The following MAP4K3 variants were observed in gnomAD, a reference collection of about 807,000 sequenced individuals.
MAP4K3 encodes mitogen-activated protein kinase kinase kinase kinase 3, also known as MAPK/ERK kinase kinase kinase 3.
MAP4K3 carries 94 observed loss-of-function variants against 143.5 expected under a neutral mutation model. That is an observed-to-expected ratio of 0.65 (90% CI 0.55 to 0.78). The LOEUF (loss-of-function observed/expected upper bound fraction) is 0.78, where lower values mean the gene tolerates loss of function less well. Among genes scored for constraint, MAP4K3 ranks in the 30% least tolerant of loss-of-function variants. The probability of loss-of-function intolerance (pLI) is 0.00; values close to 1 mark genes in which losing one functional copy is unlikely to be tolerated. For missense variants in MAP4K3, 1,077 were observed against 1,068.1 expected (o/e 1.01, Z -0.12); for synonymous variants, 416 against 347.2 (o/e 1.20, Z -2.20).
intron 27 of MAP4K3, 131 bp downstream of exon 27, chr2:39,267,058 G>T: frequency 1.3e-6 from 1 of 791,538 alleles, no homozygotes; most frequent in Non-Finnish European, 2.1e-6. Context: ...AGATGAAACA[G>T]CCAAGAAATT....
chr2:39,267,329 A>G, intron 26 of MAP4K3, 82 bp from the exon 27 acceptor site: 1 of 1,010,248 alleles, frequency 9.9e-7, no homozygotes, highest in Non-Finnish European at 1.6e-6. Flanking sequence ...ATCAGTGCAC[A>G]AAGGATGAGT....
intron 24 of MAP4K3, 26 bp downstream of exon 24, chr2:39,278,381 A>G (rs1201923578): frequency 2.1e-6 from 3 of 1,422,792 alleles, no homozygotes; most frequent in Non-Finnish European, 2.9e-6. Context: ...AAATTAAAAA[A>G]AAAAAGAATA....
At chr2:39,419,988 T>C (rs567018534) in intron 1 of MAP4K3, among the ~76,000 whole-genome samples, 1 of 152,324 alleles carries the variant, frequency 6.6e-6, no homozygotes, top group East Asian at 1.9e-4. Flanking sequence ...CATCTGACTT[T>C]CCTATCACTC....
At position 39,288,261 on chromosome 2, in the gene MAP4K3, G is replaced by A; in HGVS notation, c.1334C>T (p.Pro445Leu). Residue 445 changes from proline (P) to leucine (L), a missense_variant, in exon 20 of 34, where the codon CCA (proline) becomes CTA (leucine). Pro to Leu is a moderately conservative substitution (Grantham distance 98). Transcript: ENST00000263881. ...LPPKPKSIFI[P>L]QEMHSTEDEN... ...ATCCTCAGTAGAATGCATTTCCTGT[G>A]GTATGAAGATAGACTTAGGCTGAAA... 3 of 1,613,498 alleles carry A rather than the reference G, an allele frequency of 1.9e-6. No homozygotes were observed. Among genetic ancestry groups the A allele is most frequent in the Non-Finnish European group, 2.5e-6 (3 of 1,179,714 alleles).
chr2:39,309,446 G>C lies in MAP4K3; in HGVS notation c.1056+15C>G. ...TTTATTTTCAGTGCTAACATTCTAA[G>C]GCTATACTACTTACAAGTTCATGAT... is the stretch of plus-strand genomic sequence containing the variant. On this transcript the variant is annotated intron_variant, in intron 14 of 33. Transcript: ENST00000263881. The C allele has an allele frequency of 5.8e-6, 9 of 1,562,052 alleles. No individual in the cohort carries two copies. Among genetic ancestry groups the C allele is most frequent in the South Asian group, 3.5e-5 (3 of 84,586 alleles).
rs939648932 is a variant in MAP4K3, at chr2:39,361,968, CAA to C, written c.155-5631_155-5630del. On this transcript the variant is annotated intron_variant, in intron 2 of 33. Transcript: ENST00000263881. ...TGTGAGATAAAAGACCTGAAAAAAA[CAA>C]AAGACACTTCCCTTCTGAATAGAAG... Among the ~76,000 whole-genome samples, 14 of 151,614 alleles carry C rather than the reference CAA, an allele frequency of 9.2e-5. No individual in the cohort carries two copies. The Middle Eastern group carries it at 0.017, about 187-fold the overall frequency.
At chr2:39,269,781 A>G (rs778256342) in intron 26 of MAP4K3, among the ~76,000 whole-genome samples, 1 of 152,316 alleles carries the variant, frequency 6.6e-6, no homozygotes, top group South Asian at 2.1e-4. Context: ...CTGAACGACT[A>G]CAATGGCAAT....
At chr2:39,332,697 A>C (rs1351788150) in intron 7 of MAP4K3, among the ~76,000 whole-genome samples, 2 of 152,078 alleles carry the variant, frequency 1.3e-5, no homozygotes, top group Admixed American at 6.5e-5. Context: ...TTCACTAAGC[A>C]ATCAATAGAT....
chr2:39,299,740 T>C lies in MAP4K3; in HGVS notation c.1178+3A>G, dbSNP rs1558632108. 2 of 1,542,212 alleles carry C rather than the reference T, an allele frequency of 1.3e-6. No homozygotes were observed. Among genetic ancestry groups the C allele is most frequent in the Admixed American group, 2.0e-5 (1 of 50,978 alleles). On this transcript the variant is annotated splice_donor_region_variant and intron_variant, in intron 16 of 33. Transcript: ENST00000263881. ...AATTAAGTTTTAAAAGAACTTTACTTACTTGTTTGCACCTAAAAAGTAACC... is the reference window on the plus strand; with the variant it reads ...AATTAAGTTTTAAAAGAACTTTACTCACTTGTTTGCACCTAAAAAGTAACC...
At chr2:39,258,310 G>A in intron 31 of MAP4K3, 38 bp downstream of exon 31, 10 of 1,224,862 alleles carry the variant, frequency 8.2e-6, no homozygotes, top group Non-Finnish European at 1.2e-5. Flanking sequence ...TTATTTTAAG[G>A]AGTTCATAAT....
chr2:39,392,343 CATT>C (rs1478725576), intron 1 of MAP4K3, among the ~76,000 whole-genome samples: 5 of 151,908 alleles, frequency 3.3e-5, no homozygotes, highest in South Asian at 2.1e-4. Flanking sequence ...AAAAAAGAAA[CATT>C]GTATGTTTAT....
At chr2:39,336,750 G>A (rs1049922435) in intron 6 of MAP4K3, among the ~76,000 whole-genome samples, 170 bp downstream of exon 6, 2 of 152,010 alleles carry the variant, frequency 1.3e-5, no homozygotes, top group Non-Finnish European at 2.9e-5. Context: ...TATGTGAATT[G>A]TGCCTCAATA....
rs541905327 is a variant in MAP4K3, at chr2:39,300,902, T to G, written c.1120-1101A>C. 2.0e-5 allele frequency among the ~76,000 whole-genome samples: 3 copies of G among 152,236 alleles called. No individual in the cohort carries two copies. In the East Asian group the frequency reaches 5.8e-4, roughly 29 times the overall value. On this transcript the variant is annotated intron_variant, in intron 15 of 33. Coordinates refer to ENST00000263881, the MANE Select transcript of MAP4K3 (RefSeq NM_003618.4). The stretch of plus-strand genomic sequence containing the variant: ...AATAATCAAATCTATCTTCTTTCCT[T>G]ACAGCCTACGGTCTAGCATTGTTCC...
chr2:39,277,950 C>T (rs1217504306), intron 24 of MAP4K3, among the ~76,000 whole-genome samples: 1 of 151,732 alleles, frequency 6.6e-6, no homozygotes, highest in Non-Finnish European at 1.5e-5. Flanking sequence ...AGTTCCAGAC[C>T]AGCATGGGCA....
intron 1 of MAP4K3, among the ~76,000 whole-genome samples, chr2:39,420,623 G>A (rs538564615): frequency 1.3e-5 from 2 of 151,714 alleles, no homozygotes; most frequent in South Asian, 4.2e-4. Context: ...ATGTTGTCCA[G>A]GCTGGTCTCG....
chr2:39,398,691 T>G (rs1419755375), intron 1 of MAP4K3, among the ~76,000 whole-genome samples: 1 of 148,956 alleles, frequency 6.7e-6, no homozygotes, highest in Admixed American at 6.7e-5. Flanking sequence ...AGCCTTTCCT[T>G]TGATGGTTTC....
intron 15 of MAP4K3, among the ~76,000 whole-genome samples, chr2:39,300,808 G>GTTA (rs1315633836): frequency 6.6e-6 from 1 of 152,216 alleles, no homozygotes; most frequent in Non-Finnish European, 1.5e-5. Flanking sequence ...ACACAGAGCT[G>GTTA]CTCTAGCACT....
At chr2:39,384,230 T>C (rs1280113738) in intron 1 of MAP4K3, among the ~76,000 whole-genome samples, 1 of 152,118 alleles carries the variant, frequency 6.6e-6, no homozygotes, top group African/African-American at 2.4e-5. Flanking sequence ...ATCCTTGCTT[T>C]AAAACAGCAC....
At position 39,277,607 on chromosome 2, in the gene MAP4K3, C is replaced by T. The variant is rs570494952; in HGVS notation, c.1794+800G>A. Among the ~76,000 whole-genome samples the T allele has an allele frequency of 2.0e-5, 3 of 152,126 alleles. No homozygotes were observed. In the East Asian group the frequency reaches 5.9e-4, roughly 30 times the overall value. ...GAGGTGGAGTTTCACTTTTGTTGCC[C>T]AGGCTGGAGTGCAATGGCGTAATCT... On this transcript the variant is annotated intron_variant, in intron 24 of 33. Coordinates refer to ENST00000263881, the MANE Select transcript of MAP4K3 (RefSeq NM_003618.4).
Sources: gnomAD v4.1 joint callset for allele counts (sites outside exome capture counted in the v4.1 genomes callset) on GRCh38, gnomAD v4.1.1 for gene constraint, MANE v1.5 for transcripts, NCBI Gene and HGNC (gene_info 2026-07-23, HGNC 2026-07-21) for gene names.